Variants in COASY observed in about 807,000 individuals in gnomAD.
COASY encodes the protein bifunctional coenzyme A synthase.
A neutral mutation model predicts 49.4 loss-of-function variants in COASY; 31 were observed. The ratio of observed to expected loss-of-function variants is 0.63; its 90% CI spans 0.47 to 0.85. The LOEUF (loss-of-function observed/expected upper bound fraction) is 0.85, where lower values mean the gene tolerates loss of function less well. COASY is among the 40% of genes least tolerant of loss of function. The pLI is 0.00. For missense variants in COASY, 730 were observed against 734.1 expected (o/e 0.99, Z 0.06); for synonymous variants, 285 against 310.9 (o/e 0.92, Z 0.88).
intron 1 of COASY, 109 bp downstream of exon 1, chr17:42,563,431 T>G: frequency 9.5e-7 from 1 of 1,054,352 alleles, no homozygotes; most frequent in South Asian, 1.6e-5. Flanking sequence ...TTCCCACCCT[T>G]CCCAAATGTC....
chr17:42,565,532 C>G lies in COASY; in HGVS notation c.1449C>G (p.Val483=). 1 of 1,614,180 alleles carries G rather than the reference C, an allele frequency of 6.2e-7. No homozygotes were observed. Among genetic ancestry groups the G allele is most frequent in the Non-Finnish European group, 8.5e-7 (1 of 1,180,026 alleles). The part of the protein sequence containing the change: ...VLLEAGWQNL[V]HEVWTAVIPE... ...TTGAAGCCGGCTGGCAGAACCTGGT[C>G]CATGAGGTGTGGACTGCTGTCATCC... The change falls in exon 7 of 9, where the codon GTC becomes GTG. Residue 483 remains valine, a synonymous_variant. Coordinates refer to ENST00000393818, the MANE Select transcript of COASY (RefSeq NM_025233.7).
At position 42,563,341 on chromosome 17, in the gene COASY, G is replaced by A. The variant is rs1217341284; in HGVS notation, c.700+19G>A. The A allele has an allele frequency of 6.4e-7, 1 of 1,558,718 alleles. No homozygotes were observed. On this transcript the variant is annotated intron_variant, in intron 1 of 8. Transcript: ENST00000393818. ...TTGAAGAGTGAGTAAGAGGGACCCTGGACTAGGGTGGAGGATCCCCAAATC... is the reference window on the plus strand; with the variant it reads ...TTGAAGAGTGAGTAAGAGGGACCCTAGACTAGGGTGGAGGATCCCCAAATC...
rs769330035 is a variant in COASY at position 42,562,731 on chromosome 17, C to G, written c.109C>G (p.Leu37Val). The G allele has an allele frequency of 4.2e-5, 66 of 1,588,330 alleles. No individual in the cohort carries two copies. The highest frequency in any genetic ancestry group is 4.1e-5 in the Non-Finnish European group (48 of 1,165,042). Residue 37 changes from leucine to valine, a missense_variant, in exon 1 of 9, where the codon CTC becomes GTC. Transcript: ENST00000393818. ...GGCGGCCCGGCTGGTGAATCACACA[C>G]TCTATGTTCACCTGCAGCCGGGCAT... ...TSAARLVNHT[L>V]YVHLQPGMSL...
intron 2 of COASY, 121 bp downstream of exon 2, chr17:42,564,296 G>A (rs573242618): frequency 6.9e-7 from 1 of 1,453,000 alleles, no homozygotes; most frequent in Non-Finnish European, 9.6e-7. Flanking sequence ...GTGGTGGGAA[G>A]AAGCAAGGAG....
In COASY at chr17:42,564,488, G is replaced by A. The variant is rs748072653; in HGVS notation, c.958G>A (p.Asp320Asn). ...TTTGTACCAGATCCAGCTGCTGAAG[G>A]ACCTCAGACATACAGAGAATGAAGA... Reference protein sequence around the residue: ...LALYQIQLLKDLRHTENEEDK... With the variant: ...LALYQIQLLKNLRHTENEEDK... The change falls in exon 3 of 9, where the codon GAC becomes AAC. Residue 320 changes from aspartate to asparagine, a missense_variant. Coordinates refer to ENST00000393818, the MANE Select transcript of COASY (RefSeq NM_025233.7). 9.9e-6 allele frequency: 16 copies of A among 1,613,452 alleles called. No individual in the cohort carries two copies. In the South Asian group the frequency reaches 1.8e-4, roughly 18 times the overall value.
intron 5 of COASY, 21 bp from the exon 6 acceptor site, chr17:42,565,206 G>C: frequency 1.9e-6 from 3 of 1,613,254 alleles, no homozygotes; most frequent in Non-Finnish European, 2.5e-6. Flanking sequence ...GGTAACCTCT[G>C]CCCTCTGTTC....
In COASY at chr17:42,565,281, C is replaced by T. The variant is rs200491699; in HGVS notation, c.1357C>T (p.Arg453Ter). 77 of 1,613,968 alleles carry T rather than the reference C, an allele frequency of 4.8e-5. No individual in the cohort carries two copies. The highest frequency in any genetic ancestry group is 4.2e-4 in the South Asian group (38 of 91,086). The part of the protein sequence containing the change: ...IMWPIIAKLA[R>*]EEMDRAVAEG... ...GTGGCCAATTATCGCAAAGCTGGCCCGAGAGGAGATGGATCGGGCTGTGGC... is the reference window on the plus strand; with the variant it reads ...GTGGCCAATTATCGCAAAGCTGGCCTGAGAGGAGATGGATCGGGCTGTGGC... The change falls in exon 6 of 9, where the codon CGA becomes TGA. Residue 453 changes from arginine to a stop codon, truncating the protein, a stop_gained. Transcript: ENST00000393818. LOFTEE classifies it high-confidence loss of function.
In COASY at chr17:42,564,530, T is replaced by C. The variant is rs1340485042; in HGVS notation, c.1000T>C (p.Ser334Pro). The change falls in exon 3 of 9, where the codon TCC (serine) becomes CCC (proline). Residue 334 changes from serine to proline, a missense_variant. Coordinates refer to ENST00000393818, the MANE Select transcript of COASY (RefSeq NM_025233.7). ...TENEEDKVSS[S>P]SFRQRMLGNL... Reference sequence around the variant, plus strand: ...GAATGAAGAGGACAAAGTCAGCTCCTCCAGCTTCCGCCAGCGAATGTTGGG... The same window carrying C: ...GAATGAAGAGGACAAAGTCAGCTCCCCCAGCTTCCGCCAGCGAATGTTGGG... 1 of 1,612,964 alleles carries C rather than the reference T, an allele frequency of 6.2e-7. No homozygotes were observed. The highest frequency in any genetic ancestry group is 2.2e-5 in the East Asian group (1 of 44,846).
chr17:42,565,764 G>A lies in COASY; in HGVS notation c.1591G>A (p.Val531Met). ...GQQLVEQSHV[V>M]LSTLWEPHIT... ...GCAGCTTGTGGAACAGAGCCACGTG[G>A]TGCTCAGCACCTTGTGGGAGCCGCA... Residue 531 changes from valine (V) to methionine (M), a missense_variant, in exon 8 of 9, where the codon GTG becomes ATG. By Grantham distance (21) the Val-to-Met change is conservative. Coordinates refer to ENST00000393818, the MANE Select transcript of COASY (RefSeq NM_025233.7). The A allele has an allele frequency of 6.2e-7, 1 of 1,613,954 alleles. No individual in the cohort carries two copies. The highest frequency in any genetic ancestry group is 8.5e-7 in the Non-Finnish European group (1 of 1,180,030).
At position 42,562,526 on chromosome 17, in the gene COASY, C is replaced by T. The variant is rs1217836329; in HGVS notation, c.-97C>T. The T allele has an allele frequency of 6.8e-6, 11 of 1,611,800 alleles. No homozygotes were observed. Among genetic ancestry groups the T allele is most frequent in the African/African-American group, 1.3e-5 (1 of 74,904 alleles). On this transcript the variant is annotated 5_prime_UTR_variant, in exon 1 of 9. Coordinates refer to ENST00000393818, the MANE Select transcript of COASY (RefSeq NM_025233.7). ...CCCCGTCCCTGCTCCAGGCCTCCTT[C>T]TCTGGGGTCCAAGGTCCCATACAGG...
At chr17:42,564,205 G>A in intron 2 of COASY, 30 bp downstream of exon 2, 8 of 1,605,734 alleles carry the variant, frequency 5.0e-6, no homozygotes, top group Non-Finnish European at 6.0e-6. Flanking sequence ...GGCAGAGGGA[G>A]TGGATGGGGG....
In COASY at chr17:42,562,352, C is replaced by A; in HGVS notation, c.-271C>A. The stretch of plus-strand genomic sequence containing the variant: ...CCAGCCCTGTGACAAGGGTTCCTGT[C>A]CAGTTTCCCCCTCCCAGGATTTCGA... On this transcript the variant is annotated 5_prime_UTR_variant, in exon 1 of 9. Transcript: ENST00000393818. The A allele has an allele frequency of 6.6e-7, 1 of 1,505,114 alleles. No individual in the cohort carries two copies. Among genetic ancestry groups the A allele is most frequent in the Non-Finnish European group, 9.2e-7 (1 of 1,082,818 alleles). 93.2% of individuals were successfully genotyped at this position (1,505,114 alleles called of 1,614,324 possible).
At chr17:42,565,393 A>G in intron 6 of COASY, 78 bp from the exon 7 acceptor site, 1 of 1,606,538 alleles carries the variant, frequency 6.2e-7, no homozygotes, top group Non-Finnish European at 8.5e-7. Context: ...CCAACGTGGG[A>G]CTGTCTGTTC....
rs2092986631 is a variant in COASY, at chr17:42,563,276, C to T, written c.654C>T (p.Ala218=). The change falls in exon 1 of 9, where the codon GCC becomes GCT. Residue 218 remains alanine (A), a synonymous_variant. Transcript: ENST00000393818. ...TGCTCAGTGTCGCGTGCATCCTGGC[C>T]CAGGAGCAGCTTGTGGTGGGAGTAG... is the stretch of plus-strand genomic sequence containing the variant. The part of the protein sequence containing the change: ...KVLLSVACIL[A]QEQLVVGVAD... The T allele has an allele frequency of 2.5e-6, 4 of 1,606,902 alleles. No individual in the cohort carries two copies. In the East Asian group the frequency reaches 6.7e-5, roughly 27 times the overall value.
chr17:42,564,871 C>A lies in COASY; in HGVS notation c.1210C>A (p.Gln404Lys), dbSNP rs757765951. 5.0e-6 allele frequency: 8 copies of A among 1,600,046 alleles called. No individual in the cohort carries two copies. The highest frequency in any genetic ancestry group is 1.7e-5 in the Admixed American group (1 of 57,956). ...RAYAPGGPAYQPVVEAFGTDI... is the reference protein window; with the variant it reads ...RAYAPGGPAYKPVVEAFGTDI... ...CTATGCCCCAGGTGGCCCTGCCTACCAGCCTGTGGTGGAGGCCTTTGGAAC... is the reference window on the plus strand; with the variant it reads ...CTATGCCCCAGGTGGCCCTGCCTACAAGCCTGTGGTGGAGGCCTTTGGAAC... The change falls in exon 4 of 9, where the codon CAG (glutamine) becomes AAG (lysine). Residue 404 changes from glutamine to lysine, a missense_variant. Physicochemically the swap from Gln to Lys is moderately conservative, Grantham distance 53 (BLOSUM62 1). Transcript: ENST00000393818.
At position 42,562,381 on chromosome 17, in the gene COASY, A is replaced by T; in HGVS notation, c.-242A>T. 6.2e-7 allele frequency: 1 copy of T among 1,607,964 alleles called. No individual in the cohort carries two copies. On this transcript the variant is annotated 5_prime_UTR_variant, in exon 1 of 9. Coordinates refer to ENST00000393818, the MANE Select transcript of COASY (RefSeq NM_025233.7). Reference sequence around the variant, plus strand: ...TTTCCCCCTCCCAGGATTTCGACTCAGTTCAGCGAAGTCACCGCCCCGTCT... The same window carrying T: ...TTTCCCCCTCCCAGGATTTCGACTCTGTTCAGCGAAGTCACCGCCCCGTCT...
At position 42,563,310 on chromosome 17, in the gene COASY, G is replaced by A. The variant is rs568769350; in HGVS notation, c.688G>A (p.Asp230Asn). ...GCTTGTGGTGGGAGTAGCAGACAAA[G>A]ATCTGTTGAAGAGTGAGTAAGAGGG... ...EQLVVGVADK[D>N]LLKSKLLPEL... The change falls in exon 1 of 9, where the codon GAT (aspartate) becomes AAT (asparagine). Residue 230 changes from aspartate (D) to asparagine (N), a missense_variant. Asp to Asn is a conservative substitution (Grantham distance 23). Transcript: ENST00000393818. 1.3e-6 allele frequency: 2 copies of A among 1,594,280 alleles called. No homozygotes were observed. The highest frequency in any genetic ancestry group is 1.7e-6 in the Non-Finnish European group (2 of 1,173,214).
chr17:42,562,268 C>T lies in COASY; in HGVS notation c.-355C>T. ...TTTAGCGTCCCCCTTTAGCCTCCCT[C>T]TTCGATTCCTTGAAGACCCTGGTGC... On this transcript the variant is annotated 5_prime_UTR_variant, in exon 1 of 9. Transcript: ENST00000393818. 1.5e-6 allele frequency: 1 copy of T among 689,398 alleles called. No homozygotes were observed. Among genetic ancestry groups the T allele is most frequent in the South Asian group, 1.8e-5 (1 of 55,454 alleles). 42.7% of individuals were successfully genotyped at this position (689,398 alleles called of 1,614,324 possible).
chr17:42,563,595 G>A, intron 1 of COASY: 2 of 524,508 alleles, frequency 3.8e-6, no homozygotes, highest in South Asian at 5.2e-5. Context: ...ACCCTAATGA[G>A]ACACTGGGAA....
Sources: gnomAD v4.1 joint callset for allele counts on GRCh38, gnomAD v4.1.1 for gene constraint, MANE v1.5 for transcripts, NCBI Gene and HGNC (gene_info 2026-07-23, HGNC 2026-07-21) for gene names.